The following CRPPA variants were observed in gnomAD, a reference collection of about 807,000 sequenced individuals.
The protein encoded by CRPPA is CDP-L-ribitol pyrophosphorylase A, also known as D-ribitol-5-phosphate cytidylyltransferase.
CRPPA carries 43 observed loss-of-function variants against 52.0 expected under a neutral mutation model. The ratio of observed to expected loss-of-function variants is 0.83; its 90% CI spans 0.65 to 1.07. CRPPA has a LOEUF of 1.07. CRPPA is among the 50% of genes least tolerant of loss of function. The probability of loss-of-function intolerance (pLI) is 0.00; values close to 1 mark genes in which losing one functional copy is unlikely to be tolerated. For missense variants in CRPPA, 629 were observed against 551.7 expected (o/e 1.14, Z -1.40); for synonymous variants, 250 against 203.5 (o/e 1.23, Z -1.94).
At chr7:16,387,628 T>G (rs1787323434) in intron 2 of CRPPA, among the ~76,000 whole-genome samples, 1 of 152,102 alleles carries the variant, frequency 6.6e-6, no homozygotes, top group South Asian at 2.1e-4. Flanking sequence ...CACAAATAGT[T>G]TGAATTTAAA....
chr7:16,412,913 C>T (rs569493490), intron 1 of CRPPA, among the ~76,000 whole-genome samples: 4 of 152,270 alleles, frequency 2.6e-5, no homozygotes, highest in Non-Finnish European at 5.9e-5. Context: ...ACAAATATTG[C>T]TTACAGGAAT....
At chr7:16,365,675 A>G (rs1224043535) in intron 3 of CRPPA, among the ~76,000 whole-genome samples, 3 of 152,202 alleles carry the variant, frequency 2.0e-5, no homozygotes, top group Non-Finnish European at 2.9e-5. Context: ...ATGACCTCCA[A>G]ACAAACTTGA....
At chr7:16,211,967 T>C (rs1782159155) in intron 9 of CRPPA, among the ~76,000 whole-genome samples, 1 of 152,224 alleles carries the variant, frequency 6.6e-6, no homozygotes, top group South Asian at 2.1e-4. Context: ...TTATATAATT[T>C]AATTTTGTTA....
chr7:16,410,488 T>A (rs896456604), intron 1 of CRPPA, among the ~76,000 whole-genome samples: 2 of 152,214 alleles, frequency 1.3e-5, no homozygotes, highest in Admixed American at 6.5e-5. Flanking sequence ...CTGCCACGGC[T>A]GTGACCCAAA....
At chr7:16,355,239 C>G (rs1032595078) in intron 3 of CRPPA, among the ~76,000 whole-genome samples, 4 of 152,136 alleles carry the variant, frequency 2.6e-5, no homozygotes, top group African/African-American at 9.7e-5. Context: ...ATATCACTTA[C>G]CAATCACTAT....
chr7:16,353,469 A>T (rs1786212256), intron 3 of CRPPA, among the ~76,000 whole-genome samples: 1 of 152,232 alleles, frequency 6.6e-6, no homozygotes, highest in Admixed American at 6.5e-5. Context: ...TTTGCTAGAC[A>T]AGAGGAAGAA....
chr7:16,366,032 T>C (rs1786580706), intron 3 of CRPPA, among the ~76,000 whole-genome samples: 1 of 152,190 alleles, frequency 6.6e-6, no homozygotes, highest in Non-Finnish European at 1.5e-5. Context: ...AATTTATTGC[T>C]CATAATTCGA....
chr7:16,155,283 T>C (rs1220365112), intron 9 of CRPPA, among the ~76,000 whole-genome samples: 2 of 152,216 alleles, frequency 1.3e-5, no homozygotes, highest in Non-Finnish European at 2.9e-5. Context: ...CTGCATATCA[T>C]ATTCCCCCAT....
chr7:16,359,289 T>G (rs2128308877), intron 3 of CRPPA, among the ~76,000 whole-genome samples: 1 of 152,184 alleles, frequency 6.6e-6, no homozygotes, highest in Non-Finnish European at 1.5e-5. Context: ...CTAATGGAAG[T>G]TTTTCATTTT....
intron 9 of CRPPA, among the ~76,000 whole-genome samples, chr7:16,161,140 T>C (rs1051981720): frequency 3.9e-5 from 6 of 152,196 alleles, no homozygotes. Flanking sequence ...CAGAGACAAT[T>C]TGACTTCCTC....
At chr7:16,195,294 G>A (rs1781706308) in intron 9 of CRPPA, among the ~76,000 whole-genome samples, 1 of 152,062 alleles carries the variant, frequency 6.6e-6, no homozygotes, top group Non-Finnish European at 1.5e-5. Flanking sequence ...CTAAAACCAA[G>A]TATTTCCATT....
intron 9 of CRPPA, among the ~76,000 whole-genome samples, chr7:16,205,490 T>C (rs143873390): frequency 0.012 from 1,760 of 152,304 alleles, 41 homozygotes; most frequent in African/African-American, 0.04. Flanking sequence ...AAACTGGTAA[T>C]TTTTAGGCTA....
chr7:16,113,678 C>A (rs1007112759), intron 9 of CRPPA, among the ~76,000 whole-genome samples: 2 of 148,040 alleles, frequency 1.4e-5, no homozygotes, highest in Admixed American at 6.7e-5. Context: ...AAAACTACAC[C>A]CCCCTCAACA....
In CRPPA at chr7:16,229,287, G is replaced by T. The variant is rs368443566; in HGVS notation, c.1120-13090C>A. On this transcript the variant is annotated intron_variant, in intron 8 of 9. Coordinates refer to ENST00000407010, the MANE Select transcript of CRPPA (RefSeq NM_001101426.4). ...TATACTTACATTCAAGATAATTATT[G>T]ATAGGTACAGACTTACAACTGCCAT... Among the ~76,000 whole-genome samples the T allele has an allele frequency of 4.6e-5, 7 of 152,022 alleles. No homozygotes were observed. The East Asian group carries it at 9.7e-4, about 21-fold the overall frequency.
At chr7:16,219,799 CAA>C (rs1782448398) in intron 8 of CRPPA, among the ~76,000 whole-genome samples, 1 of 145,414 alleles carries the variant, frequency 6.9e-6, no homozygotes, top group African/African-American at 2.5e-5. Context: ...TGGCAATAAT[CAA>C]TAGTTTACCA....
intron 9 of CRPPA, among the ~76,000 whole-genome samples, chr7:16,152,335 T>A (rs1783091846): frequency 6.6e-6 from 1 of 151,952 alleles, no homozygotes; most frequent in South Asian, 2.1e-4. Context: ...ATAAGTTACA[T>A]AAGATAAACG....
chr7:16,291,348 T>C (rs942060459), intron 5 of CRPPA, among the ~76,000 whole-genome samples: 9 of 152,022 alleles, frequency 5.9e-5, no homozygotes, highest in Admixed American at 3.3e-4. Flanking sequence ...TAAGCATCTA[T>C]CAATGGATGA....
Position 16,166,929 on chromosome 7 carries a change from ACT to A in CRPPA, c.1251+49135_1251+49136del, listed in dbSNP as rs1491345796. ...AAGCTTTCCCCTTCTTTTCCAACCT[ACT>A]TTTTTTTTTTTTTTTGAGATGGAGT... On this transcript the variant is annotated intron_variant, in intron 9 of 9. Transcript: ENST00000407010. Among the ~76,000 whole-genome samples the A allele has an allele frequency of 1.4e-3, 113 of 82,378 alleles. 1 individual carries two copies. The highest frequency in any genetic ancestry group is 4.2e-3 in the Admixed American group (22 of 5,182). 54.0% of individuals were successfully genotyped at this position (82,378 alleles called of 152,430 possible). A position where few individuals can be genotyped will look rare whatever the true frequency, so the allele number is the denominator to read the frequency against.
intron 3 of CRPPA, among the ~76,000 whole-genome samples, chr7:16,334,202 C>T (rs375776202): frequency 2.7e-4 from 41 of 152,294 alleles, no homozygotes; most frequent in African/African-American, 9.1e-4. Flanking sequence ...AATCCTTAGG[C>T]AGCTTCCCGC....
Sources: gnomAD v4.1 joint callset for allele counts (sites outside exome capture counted in the v4.1 genomes callset) on GRCh38, gnomAD v4.1.1 for gene constraint, MANE v1.5 for transcripts, NCBI Gene and HGNC (gene_info 2026-07-23, HGNC 2026-07-21) for gene names.